CDH11: variants seen among roughly 807,000 people sequenced by gnomAD.
CDH11 encodes the protein cadherin-11.
A neutral mutation model predicts 67.8 loss-of-function variants in CDH11; 11 were observed. The ratio of observed to expected loss-of-function variants is 0.16; its 90% CI spans 0.10 to 0.27. CDH11 has a LOEUF of 0.27. CDH11 is among the 10% of genes least tolerant of loss of function. The pLI, the probability that CDH11 is intolerant of heterozygous loss-of-function variation, is 1.00. For missense variants in CDH11, 847 were observed against 1,031.2 expected (o/e 0.82, Z 2.45); for synonymous variants, 419 against 400.0 (o/e 1.05, Z -0.57).
intron 2 of CDH11, among the ~76,000 whole-genome samples, chr16:65,045,329 GTATATATATATATATATA>G (rs57695452): frequency 0.022 from 1,388 of 63,274 alleles, 88 homozygotes; most frequent in Middle Eastern, 0.06. Flanking sequence ...TCCCTCAAAA[GTATATATATATATATATA>G]TATATATATA....
chr16:65,102,822 A>G (rs961735935), intron 1 of CDH11, among the ~76,000 whole-genome samples: 1 of 152,172 alleles, frequency 6.6e-6, no homozygotes, highest in African/African-American at 2.4e-5. Context: ...GTTGAACCCA[A>G]CTTTGGGGTG....
intron 8 of CDH11, among the ~76,000 whole-genome samples, chr16:64,977,542 T>G (rs2072205998): frequency 6.6e-6 from 1 of 152,232 alleles, no homozygotes; most frequent in Admixed American, 6.5e-5. Context: ...TGAAGATTTT[T>G]AAGTCATTTA....
chr16:64,993,165 G>T, intron 4 of CDH11, 131 bp from the exon 5 acceptor site: 2 of 693,306 alleles, frequency 2.9e-6, no homozygotes, highest in African/African-American at 1.8e-5. Flanking sequence ...TCATTTTCCT[G>T]GAGTTGAGAT....
At chr16:65,033,209 C>T (rs976351539) in intron 2 of CDH11, among the ~76,000 whole-genome samples, 1 of 148,836 alleles carries the variant, frequency 6.7e-6, no homozygotes. Flanking sequence ...AGAAGGCCTG[C>T]GATGACACCC....
Position 64,991,827 on chromosome 16 carries a change from G to A in CDH11, c.752C>T (p.Thr251Ile). ...GGTCAGTGTGATCGTCACTTTGGTT[G>A]TCCCTGAGAGTCCGCCCATATGTCC... ...MGGHMGGLSGTTKVTITLTDV... is the reference protein window; with the variant it reads ...MGGHMGGLSGITKVTITLTDV... Residue 251 changes from threonine (T) to isoleucine (I), a missense_variant, in exon 6 of 13, where the codon ACA becomes ATA. Transcript: ENST00000268603. The A allele has an allele frequency of 6.2e-7, 1 of 1,613,912 alleles. No homozygotes were observed. Among genetic ancestry groups the A allele is most frequent in the Non-Finnish European group, 8.5e-7 (1 of 1,179,848 alleles).
In CDH11 at chr16:64,947,378, C is replaced by A. The variant is rs1038473789; in HGVS notation, c.*225G>T. On this transcript the variant is annotated 3_prime_UTR_variant, in exon 13 of 13. Transcript: ENST00000268603. ...TATGCCAAGTGTTTTTTTTTTCTAG[C>A]GAAGTTGATAAACAACTTCAATATT... 7 of 1,271,210 alleles carry A rather than the reference C, an allele frequency of 5.5e-6. No homozygotes were observed. The African/African-American group carries it at 9.0e-5, about 16-fold the overall frequency. The allele number at this position is 1,271,210 out of a possible 1,614,324, so 78.7% of individuals were successfully genotyped here. A position where few individuals can be genotyped will look rare whatever the true frequency, so the allele number is the denominator to read the frequency against.
At chr16:65,077,591 A>G (rs1205303325) in intron 1 of CDH11, among the ~76,000 whole-genome samples, 1 of 152,246 alleles carries the variant, frequency 6.6e-6, no homozygotes, top group Admixed American at 6.5e-5. Context: ...ATATCTTACC[A>G]TGTACCCTGT....
intron 2 of CDH11, among the ~76,000 whole-genome samples, chr16:65,049,797 G>T (rs537338940): frequency 9.5e-4 from 144 of 152,290 alleles, no homozygotes; most frequent in African/African-American, 3.2e-3. Context: ...GTCTGTTTAT[G>T]ATTCTGATGA....
intron 2 of CDH11, among the ~76,000 whole-genome samples, chr16:65,010,584 T>C (rs2142545266): frequency 6.6e-6 from 1 of 152,256 alleles, no homozygotes; most frequent in South Asian, 2.1e-4. Flanking sequence ...TTATGGTATA[T>C]GCTGCTCCAA....
chr16:64,961,927 AT>A (rs1411193345), intron 11 of CDH11, among the ~76,000 whole-genome samples: 1 of 152,172 alleles, frequency 6.6e-6, no homozygotes, highest in Non-Finnish European at 1.5e-5. Flanking sequence ...ACAAATCTTA[AT>A]TTTAATCTAA....
intron 7 of CDH11, chr16:64,987,765 G>A (rs895763856): frequency 6.3e-6 from 1 of 158,530 alleles, no homozygotes; most frequent in Non-Finnish European, 1.4e-5. Context: ...TGTTGAAACA[G>A]TAAGAGTTCT....
chr16:65,046,854 TTCC>T (rs1210212173), intron 2 of CDH11, among the ~76,000 whole-genome samples: 38 of 152,330 alleles, frequency 2.5e-4, no homozygotes, highest in African/African-American at 8.2e-4. Context: ...AGGCTTGTAA[TTCC>T]AGCACTTTGG....
intron 2 of CDH11, among the ~76,000 whole-genome samples, chr16:65,036,062 C>T (rs1421816822): frequency 6.6e-6 from 1 of 152,184 alleles, no homozygotes; most frequent in East Asian, 1.9e-4. Flanking sequence ...ATGCTGAACA[C>T]TATGCTAAGC....
chr16:65,097,082 C>T (rs971603561), intron 1 of CDH11, among the ~76,000 whole-genome samples: 1 of 152,092 alleles, frequency 6.6e-6, no homozygotes, highest in Non-Finnish European at 1.5e-5. Flanking sequence ...TCGTTATTAC[C>T]TTTTATCTGG....
intron 1 of CDH11, among the ~76,000 whole-genome samples, chr16:65,110,623 GATGTGTGTGT>G (rs2075139744): frequency 7.9e-6 from 1 of 126,742 alleles, no homozygotes; most frequent in Non-Finnish European, 1.6e-5. Flanking sequence ...CATGGCCAAT[GATGTGTGTGT>G]GTGTGTGTGT....
chr16:64,955,705 A>G (rs1434056049), intron 11 of CDH11, among the ~76,000 whole-genome samples: 1 of 152,222 alleles, frequency 6.6e-6, no homozygotes, highest in Non-Finnish European at 1.5e-5. Context: ...TAATAGTACC[A>G]CTGCACTACA....
intron 1 of CDH11, among the ~76,000 whole-genome samples, chr16:65,069,458 T>C (rs958979016): frequency 2.6e-5 from 4 of 152,162 alleles, no homozygotes; most frequent in Admixed American, 1.3e-4. Flanking sequence ...TTTTTAATCT[T>C]GTAGTCACTT....
intron 11 of CDH11, chr16:64,968,327 T>G: frequency 6.7e-6 from 4 of 594,770 alleles, no homozygotes; most frequent in Non-Finnish European, 8.5e-6. Context: ...AGAGGAGAGA[T>G]ATTATCTCAG....
At position 65,078,386 on chromosome 16, in the gene CDH11, G is replaced by A. The variant is rs1254386001; in HGVS notation, c.-297-24458C>T. 5.9e-5 allele frequency among the ~76,000 whole-genome samples: 9 copies of A among 152,222 alleles called. No individual in the cohort carries two copies. In the East Asian group the frequency reaches 1.7e-3, roughly 30 times the overall value. ...ACATTCGTGCTTCTGGTGGCATCAG[G>A]CATATGTGATATCCCCGTAGTGACA... On this transcript the variant is annotated intron_variant, in intron 1 of 12. Coordinates refer to ENST00000268603, the MANE Select transcript of CDH11 (RefSeq NM_001797.4).
Sources: allele counts gnomAD v4.1 joint callset (sites outside exome capture counted in the v4.1 genomes callset), GRCh38; gene constraint gnomAD v4.1.1; transcripts MANE v1.5; gene names NCBI Gene and HGNC (gene_info 2026-07-23, HGNC 2026-07-21).